PHOX2B: variants seen among roughly 807,000 people sequenced by gnomAD.
PHOX2B encodes paired like homeobox 2B, also known as paired mesoderm homeobox protein 2B.
Under a neutral mutation model 15.5 loss-of-function variants are expected in PHOX2B, and 1 was observed. The ratio of observed to expected loss-of-function variants is 0.06; its 90% CI spans 0.02 to 0.31. PHOX2B has a LOEUF of 0.31. PHOX2B is among the 10% of genes least tolerant of loss of function. The probability of loss-of-function intolerance (pLI) is 1.00; values close to 1 mark genes in which losing one functional copy is unlikely to be tolerated. For missense variants in PHOX2B, 314 were observed against 436.4 expected (o/e 0.72, Z 2.50); for synonymous variants, 206 against 190.5 (o/e 1.08, Z -0.67).
chr4:41,747,370 G>T lies in PHOX2B; in HGVS notation c.408C>A (p.Asp136Glu). 6.2e-7 allele frequency: 1 copy of T among 1,608,068 alleles called. No individual in the cohort carries two copies. Residue 136 changes from aspartate to glutamate, a missense_variant, in exon 2 of 3, where the codon GAC becomes GAA. Transcript: ENST00000226382. ...GTACCTGGACTCGCGCCTCTGTGAG[G>T]TCGATCTTCAGGGCCAGCTCCTCCC... Reference protein sequence around the residue: ...YTREELALKIDLTEARVQVWF... With the variant: ...YTREELALKIELTEARVQVWF...
chr4:41,745,802 C>T lies in PHOX2B; in HGVS notation c.*5G>A, dbSNP rs763704619. 2 of 1,606,878 alleles carry T rather than the reference C, an allele frequency of 1.2e-6. No homozygotes were observed. The highest frequency in any genetic ancestry group is 3.4e-5 in the Admixed American group (2 of 59,652). Reference sequence around the variant, plus strand: ...CCGCCGCCGCCGCCGCCGCAGGATTCCAGATCAGAACATACTGCTCTTCAC... The same window carrying T: ...CCGCCGCCGCCGCCGCCGCAGGATTTCAGATCAGAACATACTGCTCTTCAC... On this transcript the variant is annotated 3_prime_UTR_variant, in exon 3 of 3. Transcript: ENST00000226382. The surrounding 1 kb of genome is among the most constrained non-coding windows in gnomAD (Gnocchi z 4.0).
In PHOX2B at chr4:41,746,494, T is replaced by G. The variant is rs2196822; in HGVS notation, c.430-172A>C. 0.37 allele frequency among the ~76,000 whole-genome samples: 56,327 copies of G among 151,944 alleles called. 12,099 individuals are homozygous for G. Among genetic ancestry groups the G allele is most frequent in the African/African-American group, 0.6 (24,850 of 41,416 alleles). On this transcript the variant is annotated intron_variant, in intron 2 of 2. Coordinates refer to ENST00000226382, the MANE Select transcript of PHOX2B (RefSeq NM_003924.4). ...ATCCACCAAGTCTACCGCTTCTTAT[T>G]GCTGTGCATTTTCGGAGAAACTTTC...
Position 41,748,572 on chromosome 4 carries a change from G to T in PHOX2B, c.39C>A (p.Ala13=), listed in dbSNP as rs748767112. Residue 13 remains alanine, a synonymous_variant, in exon 1 of 3, where the codon GCC becomes GCA. Transcript: ENST00000226382. ...KMEYSYLNSS[A]YESCMAGMDT... Reference sequence around the variant, plus strand: ...CCATCCCAGCCATACAGGACTCGTAGGCAGAGGAATTGAGGTAAGAATATT... The same window carrying T: ...CCATCCCAGCCATACAGGACTCGTATGCAGAGGAATTGAGGTAAGAATATT... 1 of 1,613,324 alleles carries T rather than the reference G, an allele frequency of 6.2e-7. No individual in the cohort carries two copies.
Position 41,745,525 on chromosome 4 carries a change from C to A in PHOX2B, c.*282G>T. Reference sequence around the variant, plus strand: ...GGCCGCGCTGCTCACAACCCCCGATCAGCAGGCGGAGCCCTGGCCCCGCTG... The same window carrying A: ...GGCCGCGCTGCTCACAACCCCCGATAAGCAGGCGGAGCCCTGGCCCCGCTG... On this transcript the variant is annotated 3_prime_UTR_variant, in exon 3 of 3. Coordinates refer to ENST00000226382, the MANE Select transcript of PHOX2B (RefSeq NM_003924.4). The surrounding 1 kb of genome is among the most constrained non-coding windows in gnomAD (Gnocchi z 4.0). 2.5e-6 allele frequency: 1 copy of A among 405,558 alleles called. No homozygotes were observed. Among genetic ancestry groups the A allele is most frequent in the Non-Finnish European group, 4.5e-6 (1 of 223,240 alleles). 25.1% of individuals were successfully genotyped at this position (405,558 alleles called of 1,614,324 possible). A position where few individuals can be genotyped will look rare whatever the true frequency, so the allele number is the denominator to read the frequency against.
chr4:41,745,772 T>TGTCGCC lies in PHOX2B; in HGVS notation c.*29_*34dup. ...CCCGCCCGGGCCCTGGCTCGCCCGC[T>TGTCGCC]GTCGCCGCCGCCGCCGCCGCCGCAG... is the stretch of plus-strand genomic sequence containing the variant. On this transcript the variant is annotated 3_prime_UTR_variant, in exon 3 of 3. Coordinates refer to ENST00000226382, the MANE Select transcript of PHOX2B (RefSeq NM_003924.4). This position sits in a 1 kb window ranked among gnomAD's most constrained non-coding sequence, Gnocchi z 4.0. 1 of 1,586,204 alleles carries TGTCGCC rather than the reference T, an allele frequency of 6.3e-7. No individual in the cohort carries two copies. The highest frequency in any genetic ancestry group is 8.6e-7 in the Non-Finnish European group (1 of 1,168,354).
At position 41,748,667 on chromosome 4, in the gene PHOX2B, G is replaced by A. The variant is rs1733992065; in HGVS notation, c.-57C>T. On this transcript the variant is annotated 5_prime_UTR_variant, in exon 1 of 3. Coordinates refer to ENST00000226382, the MANE Select transcript of PHOX2B (RefSeq NM_003924.4). Reference sequence around the variant, plus strand: ...AAAAATGAAATAAAAGATGGATATGGAGAAGGTGGCTGGAGTGGGGAGATG... The same window carrying A: ...AAAAATGAAATAAAAGATGGATATGAAGAAGGTGGCTGGAGTGGGGAGATG... The A allele has an allele frequency of 6.4e-7, 1 of 1,571,466 alleles. No homozygotes were observed. Among genetic ancestry groups the A allele is most frequent in the Non-Finnish European group, 8.7e-7 (1 of 1,145,530 alleles).
At chr4:41,747,828 A>G (rs1426919971) in intron 1 of PHOX2B, 1 of 602,104 alleles carries the variant, frequency 1.7e-6, no homozygotes, top group African/African-American at 1.8e-5. Context: ...GGAAAAAACC[A>G]GAGAGGAAAA....
chr4:41,748,671 AG>A lies in PHOX2B; in HGVS notation c.-62del. 6.5e-7 allele frequency: 1 copy of A among 1,543,888 alleles called. No individual in the cohort carries two copies. Among genetic ancestry groups the A allele is most frequent in the African/African-American group, 1.4e-5 (1 of 73,564 alleles). ...ATGAAATAAAAGATGGATATGGAGA[AG>A]GTGGCTGGAGTGGGGAGATGTGCAC... On this transcript the variant is annotated 5_prime_UTR_variant, in exon 1 of 3. Coordinates refer to ENST00000226382, the MANE Select transcript of PHOX2B (RefSeq NM_003924.4).
At chr4:41,748,109 C>T (rs545748947) in intron 1 of PHOX2B, among the ~76,000 whole-genome samples, 2 of 152,252 alleles carry the variant, frequency 1.3e-5, no homozygotes, top group South Asian at 4.1e-4. Context: ...TACGTCTCAT[C>T]GCAAAGTAAA....
intron 2 of PHOX2B, 121 bp from the exon 3 acceptor site, chr4:41,746,443 T>C: frequency 3.3e-6 from 3 of 921,392 alleles, no homozygotes; most frequent in East Asian, 5.3e-5. Context: ...CTCCTCCCCA[T>C]GCGCTGTGAT....
rs2153112701 is a variant in PHOX2B at position 41,745,543 on chromosome 4, C to T, written c.*264G>A. 2.3e-6 allele frequency: 1 copy of T among 433,306 alleles called. No individual in the cohort carries two copies. The highest frequency in any genetic ancestry group is 2.7e-5 in the South Asian group (1 of 37,600). 26.8% of individuals were successfully genotyped at this position (433,306 alleles called of 1,614,324 possible). A position where few individuals can be genotyped will look rare whatever the true frequency, so the allele number is the denominator to read the frequency against. Reference sequence around the variant, plus strand: ...CCCCGATCAGCAGGCGGAGCCCTGGCCCCGCTGCGAGGCCCCAGGCAGGTG... The same window carrying T: ...CCCCGATCAGCAGGCGGAGCCCTGGTCCCGCTGCGAGGCCCCAGGCAGGTG... On this transcript the variant is annotated 3_prime_UTR_variant, in exon 3 of 3. Coordinates refer to ENST00000226382, the MANE Select transcript of PHOX2B (RefSeq NM_003924.4). The surrounding 1 kb of genome is among the most constrained non-coding windows in gnomAD (Gnocchi z 4.0).
chr4:41,747,244 C>T (rs1385065728), intron 2 of PHOX2B, 105 bp downstream of exon 2: 2 of 917,254 alleles, frequency 2.2e-6, no homozygotes, highest in East Asian at 2.5e-5. Flanking sequence ...GCCCTAGGTC[C>T]TTCTCACTCG....
chr4:41,747,624 G>C, intron 1 of PHOX2B, 88 bp from the exon 2 acceptor site: 1 of 1,095,764 alleles, frequency 9.1e-7, no homozygotes, highest in East Asian at 2.4e-5. Context: ...TCCAAGGTCA[G>C]GTCATACGGC....
chr4:41,747,594 T>G, intron 1 of PHOX2B, 58 bp from the exon 2 acceptor site: 1 of 1,459,652 alleles, frequency 6.9e-7, no homozygotes, highest in Non-Finnish European at 9.5e-7. Context: ...TCGCCGGCCG[T>G]GGAGCTAGAA....
In PHOX2B at chr4:41,747,505, G is replaced by A; in HGVS notation, c.273C>T (p.Gly91=). 1 of 1,609,690 alleles carries A rather than the reference G, an allele frequency of 6.2e-7. No homozygotes were observed. The highest frequency in any genetic ancestry group is 8.5e-7 in the Non-Finnish European group (1 of 1,179,956). ...GCCGCTGCTTGCGCTTCTCGTTGAG[G>A]CCGCCGTGGTCCGTGAAGAGTTTGT... ...VPYKLFTDHG[G]LNEKRKQRRI... is the part of the protein sequence containing the mutation. The change falls in exon 2 of 3, where the codon GGC becomes GGT. Residue 91 remains glycine, a synonymous_variant. Coordinates refer to ENST00000226382, the MANE Select transcript of PHOX2B (RefSeq NM_003924.4).
intron 1 of PHOX2B, among the ~76,000 whole-genome samples, chr4:41,747,953 AAG>A (rs72266779): frequency 0.12 from 18,682 of 152,158 alleles, 1,174 homozygotes; most frequent in African/African-American, 0.17. Context: ...AGTTGGGGGA[AAG>A]AGCTGCAAAA....
rs535962589 is a variant in PHOX2B at position 41,745,114 on chromosome 4, G to A, written c.*693C>T. 3.9e-4 allele frequency: 89 copies of A among 229,392 alleles called. No individual in the cohort carries two copies. Among genetic ancestry groups the A allele is most frequent in the Admixed American group, 1.2e-3 (21 of 17,644 alleles). 14.2% of individuals were successfully genotyped at this position (229,392 alleles called of 1,614,324 possible). ...GAACCCAAGGACACGATAGGAAGGGGGGCTGGAACGGCGTCCCTACTCTTC... is the reference window on the plus strand; with the variant it reads ...GAACCCAAGGACACGATAGGAAGGGAGGCTGGAACGGCGTCCCTACTCTTC... On this transcript the variant is annotated 3_prime_UTR_variant, in exon 3 of 3. Coordinates refer to ENST00000226382, the MANE Select transcript of PHOX2B (RefSeq NM_003924.4). The surrounding 1 kb of genome is among the most constrained non-coding windows in gnomAD (Gnocchi z 4.0).
At position 41,745,529 on chromosome 4, in the gene PHOX2B, A is replaced by T. The variant is rs73810341; in HGVS notation, c.*278T>A. On this transcript the variant is annotated 3_prime_UTR_variant, in exon 3 of 3. Coordinates refer to ENST00000226382, the MANE Select transcript of PHOX2B (RefSeq NM_003924.4). This position sits in a 1 kb window ranked among gnomAD's most constrained non-coding sequence, Gnocchi z 4.0. ...GCGCTGCTCACAACCCCCGATCAGC[A>T]GGCGGAGCCCTGGCCCCGCTGCGAG... 1.7e-3 allele frequency: 676 copies of T among 406,394 alleles called. 4 individuals are homozygous for T. Among genetic ancestry groups the T allele is most frequent in the African/African-American group, 0.013 (612 of 47,810 alleles). The allele number at this position is 406,394 out of a possible 1,614,324, so 25.2% of individuals were successfully genotyped here.
chr4:41,748,310 G>A, intron 1 of PHOX2B, 60 bp downstream of exon 1: 2 of 1,590,484 alleles, frequency 1.3e-6, no homozygotes, highest in Non-Finnish European at 8.6e-7. Flanking sequence ...ATGCAATCAA[G>A]GCTTCCTATA....
Sources: allele counts gnomAD v4.1 joint callset (sites outside exome capture counted in the v4.1 genomes callset), GRCh38; gene constraint gnomAD v4.1.1; non-coding constraint Gnocchi (gnomAD v3.1); transcripts MANE v1.5; gene names NCBI Gene and HGNC (gene_info 2026-07-23, HGNC 2026-07-21).